CLSTN2: variants seen among roughly 807,000 people sequenced by gnomAD.
CLSTN2 encodes the protein calsyntenin-2.
In CLSTN2, 48 loss-of-function variants were observed where a neutral mutation model predicts 101.2. That is an observed-to-expected ratio of 0.47 (90% CI 0.38 to 0.60). The LOEUF is 0.60. Among genes scored for constraint, CLSTN2 ranks in the 20% least tolerant of loss-of-function variants. CLSTN2 has a pLI of 0.00. For missense variants in CLSTN2, 1,160 were observed against 1,238.2 expected (o/e 0.94, Z 0.95); for synonymous variants, 481 against 463.6 (o/e 1.04, Z -0.48).
intron 1 of CLSTN2, among the ~76,000 whole-genome samples, chr3:140,125,659 T>C (rs1051146004): frequency 3.3e-5 from 5 of 152,066 alleles, no homozygotes; most frequent in African/African-American, 1.2e-4. Context: ...AATATAATAG[T>C]GTTGTCTGCA....
intron 1 of CLSTN2, among the ~76,000 whole-genome samples, chr3:140,102,622 C>T (rs2107790730): frequency 6.6e-6 from 1 of 152,316 alleles, no homozygotes; most frequent in Non-Finnish European, 1.5e-5. Flanking sequence ...AAGCCATTGT[C>T]TTCTATGACC....
intron 1 of CLSTN2, among the ~76,000 whole-genome samples, chr3:139,947,396 A>G (rs1935230950): frequency 1.3e-5 from 2 of 152,200 alleles, no homozygotes; most frequent in African/African-American, 2.4e-5. Flanking sequence ...TCTCTCCTCT[A>G]AGTAGTGCCT....
chr3:140,337,608 T>C lies in CLSTN2; in HGVS notation c.233-66021T>C, dbSNP rs539124696. Among the ~76,000 whole-genome samples the C allele has an allele frequency of 2.0e-5, 3 of 152,310 alleles. No individual in the cohort carries two copies. In the South Asian group the frequency reaches 6.2e-4, roughly 32 times the overall value. The stretch of plus-strand genomic sequence containing the variant: ...ACACATGACAGTTAAGATGCTGCCT[T>C]CATGCCTGAATCCGCATGGGAGGAA... On this transcript the variant is annotated intron_variant, in intron 2 of 16. Transcript: ENST00000458420.
chr3:140,033,273 A>G (rs950328047), intron 1 of CLSTN2, among the ~76,000 whole-genome samples: 7 of 152,220 alleles, frequency 4.6e-5, no homozygotes, highest in Non-Finnish European at 7.3e-5. Flanking sequence ...TTAGGGAACC[A>G]GGCAGGAATT....
intron 6 of CLSTN2, among the ~76,000 whole-genome samples, chr3:140,451,457 C>G (rs1369335771): frequency 6.6e-6 from 1 of 152,048 alleles, no homozygotes; most frequent in Non-Finnish European, 1.5e-5. Flanking sequence ...GGAGAGAAGC[C>G]TGTGTTTCTC....
Position 140,427,184 on chromosome 3 carries a change from AATAT to A in CLSTN2, c.787+5927_787+5930del, listed in dbSNP as rs1177459069. 5.6e-3 allele frequency among the ~76,000 whole-genome samples: 523 copies of A among 94,110 alleles called. 30 individuals carry two copies. Among genetic ancestry groups the A allele is most frequent in the African/African-American group, 0.039 (481 of 12,348 alleles). The allele number at this position is 94,110 out of a possible 152,430, so 61.7% of individuals were successfully genotyped here. On this transcript the variant is annotated intron_variant, in intron 5 of 16. Transcript: ENST00000458420. ...GAGTGAGACTGTCTCAAAAAAAAAA[AATAT>A]ATATATATATATATATGTGTATATA...
At chr3:139,983,875 A>G (rs993912334) in intron 1 of CLSTN2, among the ~76,000 whole-genome samples, 17 of 152,202 alleles carry the variant, frequency 1.1e-4, no homozygotes, top group African/African-American at 3.9e-4. Context: ...ATAATATGAA[A>G]TTAAAACCCA....
At chr3:140,120,270 G>A (rs2009317892) in intron 1 of CLSTN2, among the ~76,000 whole-genome samples, 1 of 152,122 alleles carries the variant, frequency 6.6e-6, no homozygotes, top group South Asian at 2.1e-4. Context: ...TAATTTGTTG[G>A]AGTGGCTCAC....
At position 140,574,714 on chromosome 3, in the gene CLSTN2, GA is replaced by G. The variant is rs1195441490; in HGVS notation, c.*8463del. 4 of 152,160 alleles carry G rather than the reference GA, an allele frequency of 2.6e-5. No individual in the cohort carries two copies. Among genetic ancestry groups the G allele is most frequent in the African/African-American group, 9.7e-5 (4 of 41,426 alleles). 9.4% of individuals were successfully genotyped at this position (152,160 alleles called of 1,614,324 possible). On this transcript the variant is annotated 3_prime_UTR_variant, in exon 17 of 17. Coordinates refer to ENST00000458420, the MANE Select transcript of CLSTN2 (RefSeq NM_022131.3). ...TGGACCCTTTTTACTGCACATTTCAGAACAGAAATGGGACACCCACACACGT... is the reference window on the plus strand; with the variant it reads ...TGGACCCTTTTTACTGCACATTTCAGACAGAAATGGGACACCCACACACGT...
intron 2 of CLSTN2, among the ~76,000 whole-genome samples, chr3:140,177,235 A>G (rs1202108718): frequency 1.3e-5 from 2 of 152,142 alleles, no homozygotes; most frequent in East Asian, 1.9e-4. Flanking sequence ...ATTTCCATAC[A>G]TTTCCCAATC....
At position 140,176,156 on chromosome 3, in the gene CLSTN2, TTA is replaced by T. The variant is rs963249886; in HGVS notation, c.232+86_232+87del. The stretch of plus-strand genomic sequence containing the variant: ...CCTCCACAAAGCCCAGAATATGGCT[TTA>T]TAGCTATTGTCACCACCCTGTGCAT... On this transcript the variant is annotated intron_variant, in intron 2 of 16. Transcript: ENST00000458420. The T allele has an allele frequency of 6.0e-6, 9 of 1,488,236 alleles. 1 individual carries two copies. The highest frequency in any genetic ancestry group is 8.3e-6 in the Non-Finnish European group (9 of 1,085,708). The allele number at this position is 1,488,236 out of a possible 1,614,324, so 92.2% of individuals were successfully genotyped here.
At chr3:140,427,223 A>ATG (rs10601007) in intron 5 of CLSTN2, among the ~76,000 whole-genome samples, 18 of 102,964 alleles carry the variant, frequency 1.7e-4, no homozygotes, top group Non-Finnish European at 2.5e-4. Context: ...ATATATATAT[A>ATG]TGTGTGTATA....
intron 5 of CLSTN2, among the ~76,000 whole-genome samples, chr3:140,437,184 G>T (rs959157535): frequency 6.6e-6 from 1 of 152,034 alleles, no homozygotes; most frequent in Non-Finnish European, 1.5e-5. Flanking sequence ...GAGTAGCTGG[G>T]ACTAGAGTTG....
chr3:140,422,285 A>G (rs921035475), intron 5 of CLSTN2, among the ~76,000 whole-genome samples: 2 of 152,150 alleles, frequency 1.3e-5, no homozygotes, highest in African/African-American at 4.8e-5. Flanking sequence ...CCTGTAGGGA[A>G]GACTGATGCC....
intron 1 of CLSTN2, among the ~76,000 whole-genome samples, chr3:139,955,775 T>C (rs1350187857): frequency 6.6e-6 from 1 of 152,196 alleles, no homozygotes; most frequent in African/African-American, 2.4e-5. Flanking sequence ...CAGTGGTCTC[T>C]ATGCTCTGAG....
At chr3:140,442,924 G>A (rs548780313) in intron 5 of CLSTN2, among the ~76,000 whole-genome samples, 1 of 151,962 alleles carries the variant, frequency 6.6e-6, no homozygotes, top group East Asian at 1.9e-4. Context: ...GCTGAGCAAA[G>A]GTACCCTCCT....
intron 1 of CLSTN2, among the ~76,000 whole-genome samples, chr3:140,009,001 G>A (rs1033922097): frequency 6.6e-6 from 1 of 152,186 alleles, no homozygotes; most frequent in African/African-American, 2.4e-5. Context: ...GCACACAGAA[G>A]CCTTGTTGAC....
chr3:140,147,439 C>G (rs1443149016), intron 1 of CLSTN2, among the ~76,000 whole-genome samples: 3 of 152,180 alleles, frequency 2.0e-5, no homozygotes, highest in Admixed American at 1.3e-4. Flanking sequence ...GGCATCTGTC[C>G]CCTATGATTG....
intron 1 of CLSTN2, among the ~76,000 whole-genome samples, chr3:139,976,746 C>T (rs1314988576): frequency 1.3e-5 from 2 of 152,180 alleles, no homozygotes; most frequent in African/African-American, 4.8e-5. Flanking sequence ...CCTCCTCTCC[C>T]ACACCTGTAA....
Sources: gnomAD v4.1 joint callset for allele counts (sites outside exome capture counted in the v4.1 genomes callset) on GRCh38, gnomAD v4.1.1 for gene constraint, MANE v1.5 for transcripts, NCBI Gene and HGNC (gene_info 2026-07-23, HGNC 2026-07-21) for gene names.